The following FGF18 variants were observed in gnomAD, a reference collection of about 807,000 sequenced individuals.
FGF18 encodes fibroblast growth factor 18.
A neutral mutation model predicts 23.0 loss-of-function variants in FGF18; 5 were observed. The observed-to-expected ratio is 0.22, with a 90% CI of 0.11 to 0.46. The LOEUF (loss-of-function observed/expected upper bound fraction) is 0.46, where lower values mean the gene tolerates loss of function less well. FGF18 is among the 20% of genes least tolerant of loss of function. The pLI is 0.99. For missense variants in FGF18, 180 were observed against 291.6 expected (o/e 0.62, Z 2.79); for synonymous variants, 117 against 118.9 (o/e 0.98, Z 0.10).
intron 2 of FGF18, among the ~76,000 whole-genome samples, chr5:171,433,193 T>A (rs1430351781): frequency 6.6e-6 from 1 of 152,090 alleles, no homozygotes; most frequent in African/African-American, 2.4e-5. Flanking sequence ...GATGGATTGT[T>A]CCCTCCCGCA....
chr5:171,441,359 C>A (rs1772341340), intron 3 of FGF18, among the ~76,000 whole-genome samples: 1 of 152,182 alleles, frequency 6.6e-6, no homozygotes, highest in Non-Finnish European at 1.5e-5. Flanking sequence ...GCCTGGCGTG[C>A]CTGGCTCCTG....
intron 2 of FGF18, among the ~76,000 whole-genome samples, chr5:171,435,186 A>G (rs1772229325): frequency 6.6e-6 from 1 of 152,110 alleles, no homozygotes; most frequent in South Asian, 2.1e-4. Context: ...TCAGGGGCTC[A>G]CCTTGTAGGG....
At chr5:171,423,771 C>A (rs1210500486) in intron 2 of FGF18, among the ~76,000 whole-genome samples, 1 of 141,968 alleles carries the variant, frequency 7.0e-6, no homozygotes, top group Non-Finnish European at 1.5e-5. Flanking sequence ...TAGTGGATGG[C>A]ACTTTTTTTT....
At chr5:171,449,279 G>A (rs1326163420) in intron 4 of FGF18, 26 bp downstream of exon 4, 2 of 1,566,274 alleles carry the variant, frequency 1.3e-6, no homozygotes, top group Non-Finnish European at 8.8e-7. Flanking sequence ...GGATTCCCGG[G>A]AACTTCGGGT....
Position 171,456,720 on chromosome 5 carries a change from A to G in FGF18, c.539A>G (p.Lys180Arg), listed in dbSNP as rs759286664. The change falls in exon 5 of 5, where the codon AAG becomes AGG. Residue 180 changes from lysine to arginine, a missense_variant. Coordinates refer to ENST00000274625, the MANE Select transcript of FGF18 (RefSeq NM_003862.3). This position sits in a 1 kb window ranked among gnomAD's most constrained non-coding sequence, Gnocchi z 6.1. ...QDVHFMKRYP[K>R]GQPELQKPFK... Reference sequence around the variant, plus strand: ...GTGCATTTCATGAAGCGCTACCCCAAGGGGCAGCCGGAGCTTCAGAAGCCC... The same window carrying G: ...GTGCATTTCATGAAGCGCTACCCCAGGGGGCAGCCGGAGCTTCAGAAGCCC... The G allele has an allele frequency of 6.8e-6, 11 of 1,613,734 alleles. No individual in the cohort carries two copies. Among genetic ancestry groups the G allele is most frequent in the South Asian group, 1.1e-5 (1 of 91,074 alleles).
intron 2 of FGF18, among the ~76,000 whole-genome samples, chr5:171,426,822 G>C (rs1772096700): frequency 6.6e-6 from 1 of 152,222 alleles, no homozygotes; most frequent in African/African-American, 2.4e-5. Flanking sequence ...GTTGAATCCT[G>C]GCTGTGCTTC....
chr5:171,422,004 C>G, intron 2 of FGF18, among the ~76,000 whole-genome samples: 1 of 152,134 alleles, frequency 6.6e-6, no homozygotes, highest in East Asian at 1.9e-4. Context: ...GTCTGCTTGT[C>G]TGACCTGGGC....
intron 4 of FGF18, among the ~76,000 whole-genome samples, chr5:171,453,910 G>A (rs1772548511): frequency 1.3e-5 from 2 of 152,046 alleles, no homozygotes; most frequent in African/African-American, 4.8e-5. Context: ...CCTTTCATGT[G>A]TCATCCCACC....
intron 2 of FGF18, 104 bp downstream of exon 2, chr5:171,420,547 G>T: frequency 8.3e-7 from 1 of 1,201,570 alleles, no homozygotes. Flanking sequence ...CCCCTCCTGG[G>T]CGCTGAGCCC....
rs1176049104 is a variant in FGF18 at position 171,456,820 on chromosome 5, G to A, written c.*15G>A. The A allele has an allele frequency of 3.8e-6, 6 of 1,597,806 alleles. No individual in the cohort carries two copies. Among genetic ancestry groups the A allele is most frequent in the Middle Eastern group, 1.8e-4 (1 of 5,702 alleles). On this transcript the variant is annotated 3_prime_UTR_variant, in exon 5 of 5. Transcript: ENST00000274625. This position sits in a 1 kb window ranked among gnomAD's most constrained non-coding sequence, Gnocchi z 6.1. ...ACCCTGCCTAGGCCACCCCGCCGCG[G>A]CCCCTCAGGTCGCCCTGGCCACACT...
intron 2 of FGF18, among the ~76,000 whole-genome samples, chr5:171,425,242 C>CT (rs1253280066): frequency 1.3e-5 from 2 of 152,166 alleles, no homozygotes; most frequent in Non-Finnish European, 2.9e-5. Context: ...ATGCCAAGTG[C>CT]TTTTTTTGTT....
At chr5:171,450,201 T>C (rs62383998) in intron 4 of FGF18, among the ~76,000 whole-genome samples, 14,509 of 150,754 alleles carry the variant, frequency 0.096, 807 homozygotes, top group East Asian at 0.19. Context: ...TTACATCTTG[T>C]TGGGGGTGGG....
At chr5:171,429,382 A>G (rs1772144806) in intron 2 of FGF18, among the ~76,000 whole-genome samples, 1 of 152,234 alleles carries the variant, frequency 6.6e-6, no homozygotes, top group African/African-American at 2.4e-5. Flanking sequence ...GCATGGGGGC[A>G]AGTGCCCAGC....
intron 4 of FGF18, among the ~76,000 whole-genome samples, chr5:171,452,723 G>T (rs1443753777): frequency 6.6e-6 from 1 of 151,994 alleles, no homozygotes; most frequent in Non-Finnish European, 1.5e-5. Context: ...GTCCTTTTTG[G>T]GGCAACATAG....
chr5:171,421,334 CG>C (rs1350444004), intron 2 of FGF18, among the ~76,000 whole-genome samples: 1 of 151,752 alleles, frequency 6.6e-6, no homozygotes, highest in African/African-American at 2.4e-5. Context: ...TGGTGGGGGT[CG>C]GGGGGCGGCG....
chr5:171,420,203 T>C lies in FGF18; in HGVS notation c.4T>C (p.Tyr2His). The change falls in exon 1 of 5, where the codon TAT becomes CAT. Residue 2 changes from tyrosine (Y) to histidine (H), a missense_variant. Physicochemically the swap from Tyr to His is moderately conservative, Grantham distance 83. Transcript: ENST00000274625. ...GCCGCCTCCCTCCCGCCCAGCGATGTATTCAGCGCCCTCCGCCTGCACTTG... is the reference window on the plus strand; with the variant it reads ...GCCGCCTCCCTCCCGCCCAGCGATGCATTCAGCGCCCTCCGCCTGCACTTG... The part of the protein sequence containing the change: M[Y>H]SAPSACTCLC... 6.4e-7 allele frequency: 1 copy of C among 1,550,606 alleles called. No individual in the cohort carries two copies.
chr5:171,448,945 G>A lies in FGF18; in HGVS notation c.251-202G>A, dbSNP rs141642182. Among the ~76,000 whole-genome samples the A allele has an allele frequency of 4.8e-3, 734 of 152,140 alleles. 6 individuals carry two copies. The highest frequency in any genetic ancestry group is 0.016 in the African/African-American group (683 of 41,526). On this transcript the variant is annotated intron_variant, in intron 3 of 4. Transcript: ENST00000274625. ...ATAGGCAGCTTCCATCTCCCTGCCT[G>A]AGGGGCAGGGGACAGCTACTTCTCT...
chr5:171,446,073 C>T lies in FGF18; in HGVS notation c.251-3074C>T, dbSNP rs144509697. Reference sequence around the variant, plus strand: ...TGCTGCTGCTATTACTCCCCAAAGACTTTACATAATTCTGGCCCGGCTCCC... The same window carrying T: ...TGCTGCTGCTATTACTCCCCAAAGATTTTACATAATTCTGGCCCGGCTCCC... On this transcript the variant is annotated intron_variant, in intron 3 of 4. Coordinates refer to ENST00000274625, the MANE Select transcript of FGF18 (RefSeq NM_003862.3). 5.5e-3 allele frequency among the ~76,000 whole-genome samples: 843 copies of T among 152,324 alleles called. 8 individuals carry two copies. Among genetic ancestry groups the T allele is most frequent in the Non-Finnish European group, 8.3e-3 (568 of 68,028 alleles).
At chr5:171,439,792 C>T (rs150209205) in intron 3 of FGF18, among the ~76,000 whole-genome samples, 60 of 152,228 alleles carry the variant, frequency 3.9e-4, no homozygotes, top group African/African-American at 7.2e-4. Flanking sequence ...ACTCTAGCAT[C>T]GGGGGGTTTC....
Sources: allele counts gnomAD v4.1 joint callset (sites outside exome capture counted in the v4.1 genomes callset), GRCh38; gene constraint gnomAD v4.1.1; non-coding constraint Gnocchi (gnomAD v3.1); transcripts MANE v1.5; gene names NCBI Gene and HGNC (gene_info 2026-07-23, HGNC 2026-07-21).